Variants in ASIC2 observed in about 807,000 individuals in gnomAD.
ASIC2 encodes the protein acid-sensing ion channel 2.
Under a neutral mutation model 57.3 loss-of-function variants are expected in ASIC2, and 25 were observed. The ratio of observed to expected loss-of-function variants is 0.44; its 90% CI spans 0.32 to 0.61. The LOEUF (loss-of-function observed/expected upper bound fraction) is 0.61. Ranked by LOEUF, ASIC2 falls within the 20% of genes least tolerant of loss-of-function variation. ASIC2 has a pLI of 0.06. For missense variants in ASIC2, 641 were observed against 738.1 expected (o/e 0.87, Z 1.52); for synonymous variants, 319 against 307.5 (o/e 1.04, Z -0.39).
intron 1 of ASIC2, among the ~76,000 whole-genome samples, chr17:33,745,515 A>C (rs1272466420): frequency 1.9e-5 from 1 of 53,034 alleles, no homozygotes; most frequent in Non-Finnish European, 6.6e-5. Context: ...AGTCAAAGTC[A>C]AAAAAAAAAA....
chr17:33,284,838 A>T (rs919760501), intron 1 of ASIC2, among the ~76,000 whole-genome samples: 2 of 152,200 alleles, frequency 1.3e-5, no homozygotes, highest in African/African-American at 4.8e-5. Flanking sequence ...TACCCAATAC[A>T]AATCCTAGGC....
At chr17:33,356,154 G>A (rs1292399927) in intron 1 of ASIC2, among the ~76,000 whole-genome samples, 1 of 152,182 alleles carries the variant, frequency 6.6e-6, no homozygotes, top group Non-Finnish European at 1.5e-5. Context: ...TGAAGGATAG[G>A]GGTAGGGTAG....
chr17:33,512,615 A>G (rs1360043228), intron 1 of ASIC2, among the ~76,000 whole-genome samples: 2 of 151,964 alleles, frequency 1.3e-5, no homozygotes, highest in Admixed American at 1.3e-4. Context: ...CAGGGAAAAG[A>G]CCCTAGTACC....
intron 1 of ASIC2, among the ~76,000 whole-genome samples, chr17:33,365,482 A>G (rs115448060): frequency 0.012 from 1,891 of 151,992 alleles, 40 homozygotes; most frequent in African/African-American, 0.042. Flanking sequence ...ACTTTAGAAG[A>G]TTCGTTCATT....
intron 1 of ASIC2, among the ~76,000 whole-genome samples, chr17:33,856,748 G>A (rs1913965969): frequency 6.6e-6 from 1 of 152,110 alleles, no homozygotes; most frequent in East Asian, 1.9e-4. Context: ...CCTAGCAGAG[G>A]TCATAGCACT....
chr17:33,742,586 CAAAT>C (rs1910144110), intron 1 of ASIC2, among the ~76,000 whole-genome samples: 1 of 152,138 alleles, frequency 6.6e-6, no homozygotes, highest in East Asian at 1.9e-4. Context: ...GGCAGGTAGA[CAAAT>C]GAATGGATAA....
chr17:33,124,648 C>A (rs986455547), intron 1 of ASIC2, among the ~76,000 whole-genome samples: 2 of 152,328 alleles, frequency 1.3e-5, no homozygotes, highest in African/African-American at 2.4e-5. Flanking sequence ...GGTCCCCAAC[C>A]TTTTTGGCAC....
At chr17:33,449,285 C>T (rs895849654) in intron 1 of ASIC2, among the ~76,000 whole-genome samples, 22 of 152,182 alleles carry the variant, frequency 1.4e-4, no homozygotes, top group Admixed American at 1.3e-3. Context: ...CCTTCCTCCC[C>T]TCTAGCCTTA....
intron 1 of ASIC2, among the ~76,000 whole-genome samples, chr17:33,815,273 A>G (rs902122248): frequency 1.3e-5 from 2 of 152,164 alleles, no homozygotes; most frequent in African/African-American, 4.8e-5. Flanking sequence ...CTGGCCAAGG[A>G]AAGGGCACTT....
intron 1 of ASIC2, among the ~76,000 whole-genome samples, chr17:33,552,483 A>G (rs1323270459): frequency 6.6e-6 from 1 of 152,228 alleles, no homozygotes; most frequent in Non-Finnish European, 1.5e-5. Context: ...AGCATGATGG[A>G]AAAGTAACAA....
chr17:33,409,516 G>C (rs1910582438), intron 1 of ASIC2, among the ~76,000 whole-genome samples: 1 of 152,224 alleles, frequency 6.6e-6, no homozygotes, highest in African/African-American at 2.4e-5. Context: ...TGATAGAGAT[G>C]CGTGAAGTTG....
intron 1 of ASIC2, among the ~76,000 whole-genome samples, chr17:33,866,716 A>G (rs897325368): frequency 3.3e-5 from 5 of 152,184 alleles, no homozygotes; most frequent in African/African-American, 9.7e-5. Flanking sequence ...ACTGATCTCT[A>G]TATGTCAGGC....
intron 1 of ASIC2, among the ~76,000 whole-genome samples, chr17:33,952,267 G>C (rs1365579551): frequency 6.6e-6 from 1 of 152,106 alleles, no homozygotes; most frequent in Non-Finnish European, 1.5e-5. Context: ...AAATCAAAAA[G>C]GTGGGGAAGA....
intron 1 of ASIC2, among the ~76,000 whole-genome samples, chr17:33,338,406 A>T (rs1298611180): frequency 6.6e-6 from 1 of 152,172 alleles, no homozygotes; most frequent in Non-Finnish European, 1.5e-5. Flanking sequence ...GGCTTGTGGG[A>T]GGAACGGCAG....
intron 1 of ASIC2, among the ~76,000 whole-genome samples, chr17:33,579,574 G>C (rs1387435433): frequency 2.0e-5 from 3 of 152,164 alleles, no homozygotes; most frequent in Admixed American, 1.3e-4. Flanking sequence ...CTACTGGTGA[G>C]TGTTACAGCT....
intron 1 of ASIC2, among the ~76,000 whole-genome samples, chr17:33,118,064 G>A (rs2092287825): frequency 6.6e-6 from 1 of 152,204 alleles, no homozygotes; most frequent in African/African-American, 2.4e-5. Context: ...TGTAGAAAGG[G>A]AGATGCTTCC....
chr17:34,151,763 C>A (rs975185020), intron 1 of ASIC2, among the ~76,000 whole-genome samples: 2 of 152,244 alleles, frequency 1.3e-5, no homozygotes, highest in East Asian at 3.9e-4. Flanking sequence ...TGAGCTCCTG[C>A]GGGACACTAA....
chr17:33,973,789 G>C (rs542319030), intron 1 of ASIC2, among the ~76,000 whole-genome samples: 5 of 144,440 alleles, frequency 3.5e-5, no homozygotes, highest in Non-Finnish European at 7.6e-5. Flanking sequence ...GTTCTCCTCT[G>C]GGTAAGCGTA....
intron 1 of ASIC2, among the ~76,000 whole-genome samples, chr17:33,799,438 C>CTTTCTTTCTTTCTTA (rs1912049810): frequency 7.4e-4 from 34 of 46,090 alleles, no homozygotes; most frequent in African/African-American, 2.2e-3. Flanking sequence ...TTCTTTCTTT[C>CTTTCTTTCTTTCTTA]TTTCTTTCTT....
Sources: allele counts gnomAD v4.1 joint callset (sites outside exome capture counted in the v4.1 genomes callset), GRCh38; gene constraint gnomAD v4.1.1; transcripts MANE v1.5; gene names NCBI Gene and HGNC (gene_info 2026-07-23, HGNC 2026-07-21).